Variants in ADAMTS20 observed in about 807,000 individuals in gnomAD.
ADAMTS20 encodes ADAM metallopeptidase with thrombospondin type 1 motif 20.
A neutral mutation model predicts 260.1 loss-of-function variants in ADAMTS20; 225 were observed. That is an observed-to-expected ratio of 0.87 (90% CI 0.78 to 0.97). The LOEUF (loss-of-function observed/expected upper bound fraction) is 0.97. Among genes scored for constraint, ADAMTS20 ranks in the 50% least tolerant of loss-of-function variants. The probability of loss-of-function intolerance (pLI) is 0.00; values close to 1 mark genes in which losing one functional copy is unlikely to be tolerated. For synonymous variants in ADAMTS20, 802 were observed against 769.5 expected (o/e 1.04, Z -0.70); for missense variants, 2,400 against 2,337.7 (o/e 1.03, Z -0.55).
At chr12:43,525,941 A>G (rs572459614) in intron 3 of ADAMTS20, among the ~76,000 whole-genome samples, 29 of 152,282 alleles carry the variant, frequency 1.9e-4, no homozygotes, top group South Asian at 1.0e-3. Flanking sequence ...GGGGAATTCA[A>G]TACTCCACTG....
chr12:43,386,858 A>G (rs572607614), intron 29 of ADAMTS20, among the ~76,000 whole-genome samples: 1 of 152,264 alleles, frequency 6.6e-6, no homozygotes, highest in African/African-American at 2.4e-5. Flanking sequence ...GTTCTTCTCT[A>G]CACTGGTTAT....
intron 31 of ADAMTS20, among the ~76,000 whole-genome samples, chr12:43,379,048 C>T (rs1073795): frequency 0.025 from 3,877 of 152,274 alleles, 75 homozygotes; most frequent in Non-Finnish European, 0.037. Context: ...TATGGTGAAA[C>T]CAGAATTCCG....
At chr12:43,385,350 G>A (rs541731748) in intron 29 of ADAMTS20, among the ~76,000 whole-genome samples, 7 of 152,098 alleles carry the variant, frequency 4.6e-5, no homozygotes, top group African/African-American at 1.7e-4. Context: ...GGATATTAGC[G>A]CTTTGTCACA....
At chr12:43,483,724 C>G (rs1360062471) in intron 7 of ADAMTS20, among the ~76,000 whole-genome samples, 1 of 152,074 alleles carries the variant, frequency 6.6e-6, no homozygotes, top group Non-Finnish European at 1.5e-5. Flanking sequence ...CCTTCTCTTC[C>G]CCTTGAAAAG....
chr12:43,355,946 A>G (rs1166764194), intron 38 of ADAMTS20, among the ~76,000 whole-genome samples: 1 of 152,130 alleles, frequency 6.6e-6, no homozygotes, highest in African/African-American at 2.4e-5. Flanking sequence ...TGTTATCTAG[A>G]TAAAGATAGG....
chr12:43,427,542 A>AAAT, intron 26 of ADAMTS20, 73 bp from the exon 27 acceptor site: 1 of 1,416,498 alleles, frequency 7.1e-7, no homozygotes, highest in South Asian at 1.5e-5. Flanking sequence ...TAAAAAAAAA[A>AAAT]AATCAGCATT....
Position 43,432,410 on chromosome 12 carries a change from A to G in ADAMTS20, c.2990T>C (p.Phe997Ser). The change falls in exon 21 of 39, where the codon TTT becomes TCT. Residue 997 changes from phenylalanine to serine, a missense_variant. By Grantham distance (155) the Phe-to-Ser change is radical. Transcript: ENST00000389420. ...TTCATTGTCAGCAAGACGATGGCCA[A>G]AGTTATTCATACAATAAGATTCTCG... ...RSRESYCMNN[F>S]GHRLADNECQ... 1 of 1,613,930 alleles carries G rather than the reference A, an allele frequency of 6.2e-7. No individual in the cohort carries two copies. The highest frequency in any genetic ancestry group is 8.5e-7 in the Non-Finnish European group (1 of 1,179,864).
chr12:43,491,944 A>G (rs1242077915), intron 6 of ADAMTS20, among the ~76,000 whole-genome samples: 1 of 152,200 alleles, frequency 6.6e-6, no homozygotes, highest in Non-Finnish European at 1.5e-5. Context: ...AGATCAAACC[A>G]TTACTCAGCA....
chr12:43,436,426 A>C (rs1941556116), intron 18 of ADAMTS20, among the ~76,000 whole-genome samples: 1 of 152,294 alleles, frequency 6.6e-6, no homozygotes. Context: ...ATTTTCTAGT[A>C]GTCACGTTAA....
At chr12:43,427,593 T>C (rs538179782) in intron 26 of ADAMTS20, 124 bp from the exon 27 acceptor site, 1 of 884,354 alleles carries the variant, frequency 1.1e-6, no homozygotes, top group Non-Finnish European at 1.6e-6. Context: ...ATCTCCTTCA[T>C]TGGAATCACA....
intron 36 of ADAMTS20, among the ~76,000 whole-genome samples, chr12:43,374,196 C>T (rs531508942): frequency 6.6e-6 from 1 of 152,106 alleles, no homozygotes; most frequent in African/African-American, 2.4e-5. Context: ...TGCTTCCACA[C>T]TGTAGTAGAT....
At chr12:43,453,721 AT>A (rs201590904) in intron 12 of ADAMTS20, among the ~76,000 whole-genome samples, 185 bp downstream of exon 12, 14,469 of 150,974 alleles carry the variant, frequency 0.096, 821 homozygotes, top group Middle Eastern at 0.11. Context: ...TAATCTATTT[AT>A]GTTTTTTTTT....
chr12:43,511,711 A>G (rs1942926580), intron 3 of ADAMTS20, among the ~76,000 whole-genome samples: 1 of 152,170 alleles, frequency 6.6e-6, no homozygotes, highest in Non-Finnish European at 1.5e-5. Context: ...ATTAAGTACA[A>G]TGTTAATTCT....
chr12:43,400,712 T>C (rs562994673), intron 28 of ADAMTS20, among the ~76,000 whole-genome samples: 2 of 147,626 alleles, frequency 1.4e-5, no homozygotes, highest in African/African-American at 4.9e-5. Context: ...TATTCTATAC[T>C]AAAAAAAAAA....
chr12:43,463,328 A>G (rs1356418750), intron 10 of ADAMTS20, among the ~76,000 whole-genome samples: 1 of 152,180 alleles, frequency 6.6e-6, no homozygotes, highest in African/African-American at 2.4e-5. Context: ...ATTGTTAAAT[A>G]TTATTCATAA....
chr12:43,412,339 G>A (rs78354453), intron 28 of ADAMTS20, among the ~76,000 whole-genome samples: 12,624 of 152,204 alleles, frequency 0.083, 692 homozygotes, highest in Non-Finnish European at 0.12. Context: ...TATTTAAAGG[G>A]TGAAGTTTTA....
intron 3 of ADAMTS20, among the ~76,000 whole-genome samples, chr12:43,525,291 T>C (rs895962460): frequency 6.6e-6 from 1 of 152,156 alleles, no homozygotes; most frequent in African/African-American, 2.4e-5. Flanking sequence ...ATTTCATAAA[T>C]GAAGAGGAAA....
chr12:43,357,550 A>G (rs919355783), intron 37 of ADAMTS20, among the ~76,000 whole-genome samples: 6 of 152,238 alleles, frequency 3.9e-5, no homozygotes, highest in African/African-American at 1.4e-4. Context: ...CTTATATTGT[A>G]TATTTCTCAT....
chr12:43,528,347 G>GAAAAAAAAAAAAAAAAAAAAAAAA lies in ADAMTS20; in HGVS notation c.613+3688_613+3689insTTTTTTTTTTTTTTTTTTTTTTTT, dbSNP rs1565583137. Among the ~76,000 whole-genome samples, 2 of 2,306 alleles carry GAAAAAAAAAAAAAAAAAAAAAAAA rather than the reference G, an allele frequency of 8.7e-4. 1 individual carries two copies. Among genetic ancestry groups the GAAAAAAAAAAAAAAAAAAAAAAAA allele is most frequent in the African/African-American group, 1.5e-3 (2 of 1,324 alleles). 1.5% of individuals were successfully genotyped at this position (2,306 alleles called of 152,430 possible). ...AGACCAACAGCCAAGGCAATCCTAAGCAAAAAAAAAAAAAAAAAAAAAAAA... is the reference window on the plus strand; with the variant it reads ...AGACCAACAGCCAAGGCAATCCTAAGAAAAAAAAAAAAAAAAAAAAAAAACAAAAAAAAAAAAAAAAAAAAAAAA... On this transcript the variant is annotated intron_variant, in intron 3 of 38. Transcript: ENST00000389420.
Sources: allele counts gnomAD v4.1 joint callset (sites outside exome capture counted in the v4.1 genomes callset), GRCh38; gene constraint gnomAD v4.1.1; transcripts MANE v1.5; gene names NCBI Gene and HGNC (gene_info 2026-07-23, HGNC 2026-07-21).